The following TMTC1 variants were observed in gnomAD, a reference collection of about 807,000 sequenced individuals.
TMTC1 encodes transmembrane O-mannosyltransferase targeting cadherins 1.
TMTC1 carries 73 observed loss-of-function variants against 104.8 expected under a neutral mutation model. The ratio of observed to expected loss-of-function variants is 0.70; its 90% CI spans 0.58 to 0.85. TMTC1 has a LOEUF of 0.85. Ranked by LOEUF, TMTC1 falls within the 40% of genes least tolerant of loss-of-function variation. TMTC1 has a pLI of 0.00. For synonymous variants in TMTC1, 434 were observed against 428.7 expected (o/e 1.01, Z -0.15); for missense variants, 1,035 against 1,096.1 (o/e 0.94, Z 0.79).
intron 9 of TMTC1, chr12:29,569,094 G>T: frequency 2.3e-6 from 1 of 431,270 alleles, no homozygotes. Context: ...TTGATGATTT[G>T]AATCTTAAAC....
intron 9 of TMTC1, chr12:29,568,959 A>T (rs1212003163): frequency 4.4e-6 from 2 of 455,940 alleles, no homozygotes; most frequent in African/African-American, 4.0e-5. Flanking sequence ...AATCTCCAGC[A>T]TAGATAATCC....
At chr12:29,639,319 T>C (rs1938718739) in intron 5 of TMTC1, among the ~76,000 whole-genome samples, 1 of 152,108 alleles carries the variant, frequency 6.6e-6, no homozygotes, top group South Asian at 2.1e-4. Flanking sequence ...AGAATTTAAG[T>C]AGGTGGAGAG....
intron 5 of TMTC1, among the ~76,000 whole-genome samples, chr12:29,646,555 T>C (rs1939275592): frequency 6.6e-6 from 1 of 152,162 alleles, no homozygotes; most frequent in African/African-American, 2.4e-5. Flanking sequence ...AACCCATCCC[T>C]AGTCCCCAGG....
intron 1 of TMTC1, among the ~76,000 whole-genome samples, chr12:29,778,951 C>A (rs1217160433): frequency 6.6e-6 from 1 of 152,168 alleles, no homozygotes; most frequent in Non-Finnish European, 1.5e-5. Context: ...TAGGGGGAAG[C>A]AAAGGCAAAA....
chr12:29,550,272 G>A (rs1207573508), intron 10 of TMTC1, among the ~76,000 whole-genome samples: 1 of 152,150 alleles, frequency 6.6e-6, no homozygotes, highest in Admixed American at 6.5e-5. Flanking sequence ...AGTCTAAGTT[G>A]ATGTCACGTG....
At chr12:29,540,456 G>A (rs913299220) in intron 10 of TMTC1, among the ~76,000 whole-genome samples, 32 of 152,108 alleles carry the variant, frequency 2.1e-4, no homozygotes, top group Non-Finnish European at 4.1e-4. Flanking sequence ...ACACAGCTTC[G>A]ATAACACCTG....
Position 29,783,328 on chromosome 12 carries a change from C to T in TMTC1, c.302+122G>A. ...ATGCACATCCTGGAGAGGAGGGAGG[C>T]GTGGAGGGAAAGGGCGGCAAAAATG... On this transcript the variant is annotated intron_variant, in intron 1 of 17. Transcript: ENST00000539277. The surrounding 1 kb of genome is among the most constrained non-coding windows in gnomAD (Gnocchi z 4.7). 4 of 833,022 alleles carry T rather than the reference C, an allele frequency of 4.8e-6. No individual in the cohort carries two copies. Among genetic ancestry groups the T allele is most frequent in the East Asian group, 3.4e-5 (1 of 29,848 alleles). The allele number at this position is 833,022 out of a possible 1,614,324, so 51.6% of individuals were successfully genotyped here.
intron 5 of TMTC1, among the ~76,000 whole-genome samples, chr12:29,697,888 A>G (rs1376460642): frequency 6.6e-6 from 1 of 152,248 alleles, no homozygotes; most frequent in Non-Finnish European, 1.5e-5. Context: ...AACCAAAAAA[A>G]GAAGAAGAAA....
chr12:29,512,240 T>C (rs950157318), intron 16 of TMTC1, 120 bp from the exon 17 acceptor site: 2 of 699,154 alleles, frequency 2.9e-6, no homozygotes, highest in Non-Finnish European at 4.8e-6. Context: ...CAGCCGCTAC[T>C]AGTTCACAGG....
intron 7 of TMTC1, among the ~76,000 whole-genome samples, chr12:29,583,858 C>G (rs1045321696): frequency 6.6e-6 from 1 of 152,186 alleles, no homozygotes; most frequent in African/African-American, 2.4e-5. Context: ...GCTGAGGCAT[C>G]ATGAGAAGTC....
In TMTC1 at chr12:29,692,940, C is replaced by T. The variant is rs566059780; in HGVS notation, c.938+58726G>A. The stretch of plus-strand genomic sequence containing the variant: ...ATTTATATGTAATGTCTAGAAAAGG[C>T]GAATCTACAAAAACAGAAAGCAGAT... On this transcript the variant is annotated intron_variant, in intron 5 of 17. Transcript: ENST00000539277. Among the ~76,000 whole-genome samples the T allele has an allele frequency of 2.4e-4, 35 of 144,750 alleles. 5 individuals are homozygous for T. Among genetic ancestry groups the T allele is most frequent in the East Asian group, 1.1e-3 (5 of 4,384 alleles). 95.0% of individuals were successfully genotyped at this position (144,750 alleles called of 152,430 possible).
chr12:29,774,500 G>T (rs1943665248), intron 1 of TMTC1, among the ~76,000 whole-genome samples: 1 of 152,152 alleles, frequency 6.6e-6, no homozygotes, highest in South Asian at 2.1e-4. Context: ...TGTTTCTGGT[G>T]TCTCCAGTGT....
chr12:29,594,850 G>A (rs1946367104), intron 7 of TMTC1, among the ~76,000 whole-genome samples: 1 of 152,138 alleles, frequency 6.6e-6, no homozygotes, highest in Admixed American at 6.5e-5. Flanking sequence ...TGCTAGGGTT[G>A]TTCACTTTTG....
chr12:29,657,970 G>A (rs1247314775), intron 5 of TMTC1, among the ~76,000 whole-genome samples: 1 of 152,118 alleles, frequency 6.6e-6, no homozygotes, highest in Non-Finnish European at 1.5e-5. Flanking sequence ...GCATGTGCCT[G>A]TAGTCCCAGC....
At chr12:29,564,788 G>GTTGT (rs369167012) in intron 9 of TMTC1, among the ~76,000 whole-genome samples, 5 of 152,132 alleles carry the variant, frequency 3.3e-5, no homozygotes, top group African/African-American at 7.2e-5. Flanking sequence ...GACAGGCTCG[G>GTTGT]TTGTTTGTTT....
At chr12:29,715,649 T>C (rs1942055507) in intron 5 of TMTC1, among the ~76,000 whole-genome samples, 1 of 152,304 alleles carries the variant, frequency 6.6e-6, no homozygotes, top group South Asian at 2.1e-4. Flanking sequence ...ATTCTCATGC[T>C]GCTATGAAGA....
In TMTC1 at chr12:29,536,246, T is replaced by C. The variant is rs1283290815; in HGVS notation, c.1748A>G (p.Asp583Gly). The C allele has an allele frequency of 6.2e-7, 1 of 1,613,216 alleles. No homozygotes were observed. Among genetic ancestry groups the C allele is most frequent in the Non-Finnish European group, 8.5e-7 (1 of 1,179,590 alleles). Reference sequence around the variant, plus strand: ...TAACGAAGCTAAGCTTGAATATGCATCTGCAAACTCTGGACCATATTTGAT... The same window carrying C: ...TAACGAAGCTAAGCTTGAATATGCACCTGCAAACTCTGGACCATATTTGAT... ...DSIKYGPEFA[D>G]AYSSLASLLA... The change falls in exon 11 of 18, where the codon GAT (aspartate) becomes GGT (glycine). Residue 583 changes from aspartate (D) to glycine (G), a missense_variant. Transcript: ENST00000539277.
At chr12:29,707,846 G>A (rs553500977) in intron 5 of TMTC1, among the ~76,000 whole-genome samples, 46 of 152,062 alleles carry the variant, frequency 3.0e-4, no homozygotes, top group South Asian at 8.3e-4. Context: ...GTTTAAATAC[G>A]GTCCTCTCTC....
intron 8 of TMTC1, among the ~76,000 whole-genome samples, chr12:29,575,011 C>T (rs1945783068): frequency 1.3e-5 from 2 of 151,894 alleles, no homozygotes; most frequent in Non-Finnish European, 1.5e-5. Flanking sequence ...GGGGTGATAC[C>T]AACAATTTGA....
Sources: gnomAD v4.1 joint callset for allele counts (sites outside exome capture counted in the v4.1 genomes callset) on GRCh38, gnomAD v4.1.1 for gene constraint, Gnocchi (gnomAD v3.1) non-coding constraint, MANE v1.5 for transcripts, NCBI Gene and HGNC (gene_info 2026-07-23, HGNC 2026-07-21) for gene names.